Variants in PPP1R13B observed in about 807,000 individuals in gnomAD.
PPP1R13B encodes protein phosphatase 1 regulatory subunit 13B, also known as apoptosis-stimulating of p53 protein 1.
In PPP1R13B, 44 loss-of-function variants were observed where a neutral mutation model predicts 119.8. That is an observed-to-expected ratio of 0.37 (90% confidence interval 0.29 to 0.47). The LOEUF (loss-of-function observed/expected upper bound fraction) is 0.47. Among genes scored for constraint, PPP1R13B ranks in the 20% least tolerant of loss-of-function variants. The pLI, the probability that PPP1R13B is intolerant of heterozygous loss-of-function variation, is 0.99. For synonymous variants in PPP1R13B, 542 were observed against 561.5 expected (o/e 0.97, Z 0.49); for missense variants, 1,227 against 1,413.5 (o/e 0.87, Z 2.12).
chr14:103,737,524 CATGA>C, intron 15 of PPP1R13B, 166 bp downstream of exon 15: 1 of 841,590 alleles, frequency 1.2e-6, no homozygotes, highest in African/African-American at 1.7e-5. Flanking sequence ...TGCAGTGAGC[CATGA>C]TTGCGACATT....
intron 9 of PPP1R13B, among the ~76,000 whole-genome samples, chr14:103,745,214 C>G (rs553594893): frequency 2.6e-5 from 4 of 152,236 alleles, no homozygotes; most frequent in African/African-American, 7.2e-5. Context: ...TCTTCTCTTT[C>G]GGAGTTCATA....
chr14:103,769,337 C>T (rs1466056639), intron 4 of PPP1R13B, among the ~76,000 whole-genome samples: 4 of 151,698 alleles, frequency 2.6e-5, no homozygotes, highest in South Asian at 4.2e-4. Flanking sequence ...GTGATCTGCC[C>T]GCCTCAGCCT....
chr14:103,785,166 C>G (rs2085429427), intron 2 of PPP1R13B, among the ~76,000 whole-genome samples: 2 of 152,192 alleles, frequency 1.3e-5, no homozygotes. Flanking sequence ...ATAGGGAACA[C>G]TGAAACATGC....
At position 103,736,078 on chromosome 14, in the gene PPP1R13B, C is replaced by T. The variant is rs1160369627; in HGVS notation, c.3156G>A (p.Lys1052=). The T allele has an allele frequency of 1.9e-6, 3 of 1,614,118 alleles. No homozygotes were observed. The highest frequency in any genetic ancestry group is 2.7e-5 in the African/African-American group (2 of 74,940). Residue 1052 remains lysine (K), a synonymous_variant, in exon 16 of 17, where the codon AAG becomes AAA. Coordinates refer to ENST00000202556, the MANE Select transcript of PPP1R13B (RefSeq NM_015316.3). ...EGDALTILRR[K]DESETEWWWA... Reference sequence around the variant, plus strand: ...ACCACCACTCAGTCTCGCTTTCGTCCTTGCGCCTCAGGATGGTGAGGGCGT... The same window carrying T: ...ACCACCACTCAGTCTCGCTTTCGTCTTTGCGCCTCAGGATGGTGAGGGCGT...
intron 5 of PPP1R13B, 76 bp downstream of exon 5, chr14:103,757,574 A>G: frequency 1.5e-6 from 2 of 1,346,530 alleles, no homozygotes; most frequent in Non-Finnish European, 2.1e-6. Context: ...CCAAGAATAT[A>G]TTAACCCCAG....
At chr14:103,785,693 G>C (rs1358486703) in intron 2 of PPP1R13B, among the ~76,000 whole-genome samples, 2 of 150,794 alleles carry the variant, frequency 1.3e-5, no homozygotes, top group African/African-American at 2.4e-5. Flanking sequence ...TGTGTTTTTA[G>C]GAGAGACGGG....
chr14:103,815,366 C>A (rs1358566374), intron 1 of PPP1R13B, among the ~76,000 whole-genome samples: 1 of 152,048 alleles, frequency 6.6e-6, no homozygotes, highest in African/African-American at 2.4e-5. Flanking sequence ...GATGGTTGCA[C>A]AATTTGTGAA....
chr14:103,768,116 TTC>T (rs1228747027), intron 4 of PPP1R13B, among the ~76,000 whole-genome samples: 3 of 111,622 alleles, frequency 2.7e-5, no homozygotes, highest in African/African-American at 4.8e-5. Flanking sequence ...CCTGAGTGTC[TTC>T]TTTTTTTTTT....
Position 103,734,259 on chromosome 14 carries a change from ATCCT to A in PPP1R13B, c.*891_*894del. Reference sequence around the variant, plus strand: ...CCCCTCCTGACACCAGGCGTCTGCCATCCTTCAGGCACCAAACAGCCCCGTCTAC... The same window carrying A: ...CCCCTCCTGACACCAGGCGTCTGCCATCAGGCACCAAACAGCCCCGTCTAC... On this transcript the variant is annotated 3_prime_UTR_variant, in exon 17 of 17. Transcript: ENST00000202556. The A allele has an allele frequency of 3.4e-6, 1 of 296,604 alleles. No homozygotes were observed. Among genetic ancestry groups the A allele is most frequent in the South Asian group, 3.1e-5 (1 of 32,038 alleles). 18.4% of individuals were successfully genotyped at this position (296,604 alleles called of 1,614,324 possible).
intron 4 of PPP1R13B, among the ~76,000 whole-genome samples, chr14:103,758,602 G>C (rs1411829207): frequency 6.6e-6 from 1 of 152,204 alleles, no homozygotes; most frequent in African/African-American, 2.4e-5. Flanking sequence ...ATCTGCATGG[G>C]GTTGTGGGGG....
intron 2 of PPP1R13B, among the ~76,000 whole-genome samples, chr14:103,789,368 G>A (rs1005468498): frequency 3.9e-4 from 57 of 146,230 alleles, no homozygotes; most frequent in African/African-American, 1.4e-3. Context: ...ACAGGCATGC[G>A]CCACCACACC....
intron 1 of PPP1R13B, chr14:103,847,036 C>A: frequency 9.3e-7 from 1 of 1,081,048 alleles, no homozygotes; most frequent in Non-Finnish European, 1.1e-6. Context: ...TGACCGGCCC[C>A]AAATGCATCT....
intron 4 of PPP1R13B, among the ~76,000 whole-genome samples, chr14:103,759,560 C>T (rs908788868): frequency 7.2e-5 from 11 of 152,026 alleles, no homozygotes; most frequent in African/African-American, 2.7e-4. Context: ...CCCACCTAGG[C>T]CTCCCAAAGC....
At chr14:103,811,094 C>CAAAAAAAAAAAAAA (rs36017203) in intron 1 of PPP1R13B, among the ~76,000 whole-genome samples, 2 of 65,878 alleles carry the variant, frequency 3.0e-5, no homozygotes, top group Non-Finnish European at 5.6e-5. Context: ...GACTCCTCCT[C>CAAAAAAAAAAAAAA]AAAAAAAAAA....
intron 2 of PPP1R13B, among the ~76,000 whole-genome samples, chr14:103,796,479 A>T (rs541352291): frequency 2.0e-5 from 3 of 152,308 alleles, no homozygotes; most frequent in African/African-American, 7.2e-5. Flanking sequence ...TCAAGTGTTG[A>T]TGAGAATGTG....
intron 1 of PPP1R13B, among the ~76,000 whole-genome samples, chr14:103,808,729 T>C (rs961545141): frequency 1.3e-5 from 2 of 152,212 alleles, no homozygotes; most frequent in Non-Finnish European, 2.9e-5. Context: ...TCAATTTCCA[T>C]AATTAGGGCT....
rs549123986 is a variant in PPP1R13B, at chr14:103,836,253, C to T, written c.9+11046G>A. On this transcript the variant is annotated intron_variant, in intron 1 of 16. Coordinates refer to ENST00000202556, the MANE Select transcript of PPP1R13B (RefSeq NM_015316.3). ...TAGAGATGGGGTTTCACTATGTTGGCGAGGCTGGTCTCGAATTCCTGACCT... is the reference window on the plus strand; with the variant it reads ...TAGAGATGGGGTTTCACTATGTTGGTGAGGCTGGTCTCGAATTCCTGACCT... Among the ~76,000 whole-genome samples the T allele has an allele frequency of 7.3e-5, 11 of 150,140 alleles. No homozygotes were observed. In the East Asian group the frequency reaches 1.5e-3, roughly 20 times the overall value.
At chr14:103,847,677 G>A, upstream of PPP1R13B, 2 of 947,668 alleles carry the variant, frequency 2.1e-6, no homozygotes, top group African/African-American at 1.8e-5. Context: ...CCCGGTGGGA[G>A]CGGGGGCGGG....
At chr14:103,804,149 G>T in intron 1 of PPP1R13B, 1 of 689,972 alleles carries the variant, frequency 1.4e-6, no homozygotes, top group Non-Finnish European at 1.8e-6. Flanking sequence ...GACAATACTT[G>T]TGTTCTCCAG....
Sources: allele counts gnomAD v4.1 joint callset (sites outside exome capture counted in the v4.1 genomes callset), GRCh38; gene constraint gnomAD v4.1.1; transcripts MANE v1.5; gene names NCBI Gene and HGNC (gene_info 2026-07-23, HGNC 2026-07-21).